The following MCPH1 variants were observed in gnomAD, a reference collection of about 807,000 sequenced individuals.
The protein encoded by MCPH1 is microcephalin 1, also known as microcephalin.
In MCPH1, 104 loss-of-function variants were observed where a neutral mutation model predicts 84.5. The observed-to-expected ratio is 1.23, with a 90% CI of 1.05 to 1.45. MCPH1 has a LOEUF of 1.45. Among genes scored for constraint, MCPH1 ranks in the 40% most tolerant of loss-of-function variants. The probability of loss-of-function intolerance (pLI) is 0.00; values close to 1 mark genes in which losing one functional copy is unlikely to be tolerated. For missense variants in MCPH1, 1,498 were observed against 1,005.7 expected (o/e 1.49, Z -6.62); for synonymous variants, 514 against 366.8 (o/e 1.40, Z -4.58).
chr8:6,499,531 A>C (rs1311853487), intron 11 of MCPH1: 3 of 159,920 alleles, frequency 1.9e-5, no homozygotes, highest in Non-Finnish European at 4.1e-5. Flanking sequence ...AAACTTCACA[A>C]ATTAGAAACT....
At chr8:6,490,651 A>C (rs1192855200) in intron 11 of MCPH1, among the ~76,000 whole-genome samples, 1 of 152,212 alleles carries the variant, frequency 6.6e-6, no homozygotes, top group Non-Finnish European at 1.5e-5. Flanking sequence ...TGTATGATCC[A>C]CCTAATGCCT....
Position 6,587,118 on chromosome 8 carries a change from G to A in MCPH1, c.2215-34336G>A, listed in dbSNP as rs370883291. Among the ~76,000 whole-genome samples, 112 of 152,238 alleles carry A rather than the reference G, an allele frequency of 7.4e-4. No homozygotes were observed. In the East Asian group the frequency reaches 0.017, roughly 23 times the overall value. ...TCGATGATCTGTATTGACTTGGCCT[G>A]AGTATGCGTGCACGTCTCTGGTGGT... On this transcript the variant is annotated intron_variant, in intron 12 of 13. Transcript: ENST00000344683.
At chr8:6,413,021 A>T (rs1310307198) in intron 2 of MCPH1, among the ~76,000 whole-genome samples, 1 of 152,196 alleles carries the variant, frequency 6.6e-6, no homozygotes, top group Non-Finnish European at 1.5e-5. Flanking sequence ...AGCATTGTAC[A>T]TATATTACTT....
At chr8:6,488,997 C>A (rs527541490) in intron 11 of MCPH1, among the ~76,000 whole-genome samples, 2 of 151,834 alleles carry the variant, frequency 1.3e-5, no homozygotes, top group South Asian at 4.2e-4. Flanking sequence ...AGACTCCCAC[C>A]CAAATTTTTT....
intron 12 of MCPH1, among the ~76,000 whole-genome samples, chr8:6,555,323 C>T (rs886637207): frequency 6.6e-6 from 1 of 152,216 alleles, no homozygotes. Flanking sequence ...TCCTGCCTTT[C>T]AAGTGGTGTC....
chr8:6,492,180 G>A (rs990484772), intron 11 of MCPH1, among the ~76,000 whole-genome samples: 1 of 152,224 alleles, frequency 6.6e-6, no homozygotes, highest in African/African-American at 2.4e-5. Context: ...TAACTGGTGT[G>A]TGATGGTATC....
intron 12 of MCPH1, among the ~76,000 whole-genome samples, chr8:6,574,893 T>G (rs967139249): frequency 1.3e-5 from 2 of 152,068 alleles, no homozygotes; most frequent in African/African-American, 2.4e-5. Context: ...TTTCCCAAAG[T>G]GATGAAAGAT....
chr8:6,406,720 G>C (rs759706192), intron 1 of MCPH1, 31 bp downstream of exon 1: 15 of 1,610,804 alleles, frequency 9.3e-6, no homozygotes, highest in East Asian at 6.7e-5. Context: ...TGCTCCAGCA[G>C]CGGGAGTTTG....
chr8:6,624,894 A>AGAT (rs1206504967), intron 13 of MCPH1: 3 of 911,568 alleles, frequency 3.3e-6, no homozygotes, highest in Admixed American at 6.4e-5. Context: ...TTTTTTTCTG[A>AGAT]GATGGAGTCT....
At chr8:6,617,657 C>T (rs1436403510) in intron 12 of MCPH1, among the ~76,000 whole-genome samples, 1 of 151,824 alleles carries the variant, frequency 6.6e-6, no homozygotes, top group Non-Finnish European at 1.5e-5. Context: ...AAATTAGAAT[C>T]ATTGGTTTTT....
In MCPH1 at chr8:6,542,814, A is replaced by G. The variant is rs569493932; in HGVS notation, c.2214+42885A>G. On this transcript the variant is annotated intron_variant, in intron 12 of 13. Transcript: ENST00000344683. ...AGTGGGCAGTTTTTTTCTTTTTCCA[A>G]TAAACTGAATTTACTTGGTCACAAT... 3.3e-5 allele frequency among the ~76,000 whole-genome samples: 5 copies of G among 152,260 alleles called. No homozygotes were observed. In the East Asian group the frequency reaches 9.6e-4, roughly 29 times the overall value.
chr8:6,621,260 A>C (rs1418798351), intron 12 of MCPH1, 194 bp from the exon 13 acceptor site: 2 of 680,634 alleles, frequency 2.9e-6, no homozygotes, highest in Non-Finnish European at 4.9e-6. Flanking sequence ...TGGCTACTTC[A>C]GAAAACGTCA....
intron 12 of MCPH1, chr8:6,563,029 AC>A: frequency 7.4e-7 from 1 of 1,360,134 alleles, no homozygotes; most frequent in Non-Finnish European, 9.9e-7. Flanking sequence ...CAGGGCTGCT[AC>A]GCTGCCATGG....
At chr8:6,463,580 G>A (rs1430995031) in intron 9 of MCPH1, among the ~76,000 whole-genome samples, 3 of 152,100 alleles carry the variant, frequency 2.0e-5, no homozygotes, top group Non-Finnish European at 2.9e-5. Flanking sequence ...TCCCAGTGGT[G>A]GGAATAAAAA....
At chr8:6,531,618 C>G (rs1024574964) in intron 12 of MCPH1, among the ~76,000 whole-genome samples, 2 of 152,130 alleles carry the variant, frequency 1.3e-5, no homozygotes, top group African/African-American at 2.4e-5. Context: ...AGTCTTCTTT[C>G]TGTTATTATT....
rs147205951 is a variant in MCPH1 at position 6,498,273 on chromosome 8, G to A, written c.2137-1579G>A. Among the ~76,000 whole-genome samples the A allele has an allele frequency of 2.7e-3, 411 of 152,230 alleles. 1 individual carries two copies. The highest frequency in any genetic ancestry group is 9.6e-3 in the African/African-American group (399 of 41,536). On this transcript the variant is annotated intron_variant, in intron 11 of 13. Transcript: ENST00000344683. ...CCTTTTGTTTTTAAGTTTGCTTACA[G>A]CCTTACCTGTGCTCTTTCAAAGTAG... is the stretch of plus-strand genomic sequence containing the variant.
chr8:6,614,964 G>A (rs1360021454), intron 12 of MCPH1, among the ~76,000 whole-genome samples: 4 of 151,728 alleles, frequency 2.6e-5, no homozygotes, highest in Non-Finnish European at 5.9e-5. Context: ...TCTGCATAGT[G>A]AGCCTCCTAA....
At chr8:6,565,890 G>C (rs957976968) in intron 12 of MCPH1, among the ~76,000 whole-genome samples, 2 of 152,152 alleles carry the variant, frequency 1.3e-5, no homozygotes, top group African/African-American at 4.8e-5. Context: ...CTCAAGTTCC[G>C]AACATGGAAG....
chr8:6,408,132 A>G (rs1038200856), intron 1 of MCPH1, among the ~76,000 whole-genome samples: 7 of 151,564 alleles, frequency 4.6e-5, no homozygotes, highest in African/African-American at 1.7e-4. Flanking sequence ...GAAAGCAACT[A>G]ATTTTACAAA....
Sources: gnomAD v4.1 joint callset for allele counts (sites outside exome capture counted in the v4.1 genomes callset) on GRCh38, gnomAD v4.1.1 for gene constraint, MANE v1.5 for transcripts, NCBI Gene and HGNC (gene_info 2026-07-23, HGNC 2026-07-21) for gene names.